Variants in AKAP19 observed in about 807,000 individuals in gnomAD.
AKAP19 encodes the protein small A-kinase anchoring protein.
the AKAP19 span, among the ~76,000 whole-genome samples, chr2:190,122,367 T>TTC: frequency 6.6e-6 from 1 of 152,222 alleles, no homozygotes; most frequent in Non-Finnish European, 1.5e-5. Flanking sequence ...TTTATGTATT[T>TTC]TCTACTTTAT....
the AKAP19 span, among the ~76,000 whole-genome samples, chr2:190,138,500 G>A: frequency 1.3e-3 from 198 of 152,318 alleles, 2 homozygotes; most frequent in African/African-American, 4.6e-3. Context: ...ATACTTAAGT[G>A]TACACTTGCA....
chr2:190,129,105 C>A, the AKAP19 span, among the ~76,000 whole-genome samples: 1 of 152,194 alleles, frequency 6.6e-6, no homozygotes, highest in African/African-American at 2.4e-5. Flanking sequence ...CATCAACTGG[C>A]ATATATTTGG....
chr2:189,893,228 A>G, the AKAP19 span, among the ~76,000 whole-genome samples: 1 of 152,152 alleles, frequency 6.6e-6, no homozygotes, highest in African/African-American at 2.4e-5. Context: ...AGGAGTGAAC[A>G]GTTCTGTCTC....
At chr2:190,024,849 A>T in the AKAP19 span, among the ~76,000 whole-genome samples, 1 of 152,096 alleles carries the variant, frequency 6.6e-6, no homozygotes. Flanking sequence ...GTGAAGGAAA[A>T]TCTCTAAATA....
At chr2:190,047,346 C>T in the AKAP19 span, among the ~76,000 whole-genome samples, 8 of 152,176 alleles carry the variant, frequency 5.3e-5, no homozygotes, top group African/African-American at 1.7e-4. Flanking sequence ...TTTTCTTCAT[C>T]ATTAAAGACA....
the AKAP19 span, among the ~76,000 whole-genome samples, chr2:190,033,989 A>G: frequency 6.6e-6 from 1 of 152,158 alleles, no homozygotes; most frequent in Admixed American, 6.5e-5. Flanking sequence ...TTTGTGAGCT[A>G]CTCAAAAGAG....
the AKAP19 span, among the ~76,000 whole-genome samples, chr2:190,031,605 A>C: frequency 6.6e-6 from 1 of 152,218 alleles, no homozygotes; most frequent in African/African-American, 2.4e-5. Flanking sequence ...GGAAATTAAT[A>C]AACACTAGAT....
the AKAP19 span, among the ~76,000 whole-genome samples, chr2:190,076,682 T>A: frequency 6.6e-6 from 1 of 152,206 alleles, no homozygotes; most frequent in Admixed American, 6.5e-5. Flanking sequence ...TGTGTCTTAC[T>A]CTTTGGCTAC....
At chr2:189,959,978 T>C in the AKAP19 span, among the ~76,000 whole-genome samples, 1 of 152,210 alleles carries the variant, frequency 6.6e-6, no homozygotes, top group Non-Finnish European at 1.5e-5. Flanking sequence ...ATATTCTTTG[T>C]ATAGGGAAAC....
the AKAP19 span, among the ~76,000 whole-genome samples, chr2:190,187,803 A>G: frequency 6.6e-6 from 1 of 152,216 alleles, no homozygotes; most frequent in African/African-American, 2.4e-5. Context: ...GCTGTGAGCC[A>G]CAACTGGCCA....
the AKAP19 span, among the ~76,000 whole-genome samples, chr2:189,919,025 ATAAT>A: frequency 6.6e-6 from 1 of 152,254 alleles, no homozygotes. Flanking sequence ...AATTCTGGAA[ATAAT>A]TCATAAGTTT....
chr2:190,088,813 A>G, the AKAP19 span, among the ~76,000 whole-genome samples: 1 of 152,194 alleles, frequency 6.6e-6, no homozygotes, highest in Non-Finnish European at 1.5e-5. Context: ...CCAAGAATTG[A>G]GGAGACATCT....
chr2:190,082,151 A>T, the AKAP19 span, among the ~76,000 whole-genome samples: 2 of 152,178 alleles, frequency 1.3e-5, no homozygotes, highest in African/African-American at 4.8e-5. Flanking sequence ...CCACCCTTGG[A>T]TCATGCCGAC....
At chr2:190,170,172 T>C in the AKAP19 span, among the ~76,000 whole-genome samples, 1 of 152,148 alleles carries the variant, frequency 6.6e-6, no homozygotes, top group Non-Finnish European at 1.5e-5. Flanking sequence ...GGGTTTCTGT[T>C]TTTATAGGGG....
At chr2:190,059,650 T>C in the AKAP19 span, among the ~76,000 whole-genome samples, 1 of 151,960 alleles carries the variant, frequency 6.6e-6, no homozygotes, top group African/African-American at 2.4e-5. Flanking sequence ...AAGCCAAAAA[T>C]CTTTAACACA....
the AKAP19 span, among the ~76,000 whole-genome samples, chr2:190,016,460 T>C: frequency 6.6e-6 from 1 of 152,144 alleles, no homozygotes; most frequent in African/African-American, 2.4e-5. Flanking sequence ...ATCCAATCAC[T>C]TCCCACCAGG....
chr2:189,919,630 G>A, the AKAP19 span, among the ~76,000 whole-genome samples: 2 of 152,154 alleles, frequency 1.3e-5, no homozygotes, highest in African/African-American at 4.8e-5. Flanking sequence ...TTATGAGTAA[G>A]AACATGGGGT....
At chr2:190,055,896 T>C in the AKAP19 span, 409 of 152,494 alleles carry the variant, frequency 2.7e-3, 2 homozygotes, top group Non-Finnish European at 4.6e-3. Flanking sequence ...ATTGTTGAGA[T>C]AGCATCAGTT....
At chr2:190,056,705 G>C in the AKAP19 span, 1 of 153,774 alleles carries the variant, frequency 6.5e-6, no homozygotes. Flanking sequence ...CGTTGGCATG[G>C]ATTGTTAATG....
Sources: allele counts gnomAD v4.1 joint callset (sites outside exome capture counted in the v4.1 genomes callset), GRCh38; gene constraint gnomAD v4.1.1; transcripts MANE v1.5; gene names NCBI Gene and HGNC (gene_info 2026-07-23, HGNC 2026-07-21).